Variants in SGSM2 observed in about 807,000 individuals in gnomAD.
SGSM2 encodes RUN and TBC1 domain containing 1.
In SGSM2, 89 loss-of-function variants were observed where a neutral mutation model predicts 126.6. The ratio of observed to expected loss-of-function variants is 0.70; its 90% CI spans 0.59 to 0.84. The LOEUF (loss-of-function observed/expected upper bound fraction) is 0.84. Among genes scored for constraint, SGSM2 ranks in the 40% least tolerant of loss-of-function variants. The pLI, the probability that SGSM2 is intolerant of heterozygous loss-of-function variation, is 0.00. For synonymous variants in SGSM2, 614 were observed against 574.3 expected (o/e 1.07, Z -0.99); for missense variants, 1,404 against 1,416.6 (o/e 0.99, Z 0.14).
Position 2,337,593 on chromosome 17 carries a change from G to C in SGSM2, c.-96G>C. ...CGGGCCGGGAGCGCGGCGGGCGGGG[G>C]CTCCGCCTTGCGCGTGGGGCGCTGA... On this transcript the variant is annotated 5_prime_UTR_variant, in exon 1 of 24. Coordinates refer to ENST00000268989, the MANE Select transcript of SGSM2 (RefSeq NM_014853.3). The surrounding 1 kb of genome is among the most constrained non-coding windows in gnomAD (Gnocchi z 5.1). The C allele has an allele frequency of 4.8e-6, 4 of 825,204 alleles. No homozygotes were observed. The highest frequency in any genetic ancestry group is 6.2e-6 in the Non-Finnish European group (4 of 648,628). The allele number at this position is 825,204 out of a possible 1,614,324, so 51.1% of individuals were successfully genotyped here.
At chr17:2,366,353 T>A (rs2065585207) in intron 11 of SGSM2, among the ~76,000 whole-genome samples, 1 of 152,210 alleles carries the variant, frequency 6.6e-6, no homozygotes, top group Admixed American at 6.5e-5. Context: ...GACTTGCTTT[T>A]CTTACAGATA....
chr17:2,349,384 A>AAT (rs397735333), intron 2 of SGSM2, among the ~76,000 whole-genome samples: 2 of 151,214 alleles, frequency 1.3e-5, no homozygotes, highest in Non-Finnish European at 3.0e-5. Flanking sequence ...AAAAAAAAAA[A>AAT]GTGACCTTAC....
In SGSM2 at chr17:2,375,856, T is replaced by A. The variant is rs891097501; in HGVS notation, c.2465T>A (p.Val822Glu). Reference protein sequence around the residue: ...ELEAGEELAAVCAAAYTIELL... With the variant: ...ELEAGEELAAECAAAYTIELL... ...GAGGCCGGAGAGGAGCTTGCGGCTG[T>A]GTGTGCGGCTGCCTACACTGTGCGT... The change falls in exon 18 of 24, where the codon GTG (valine) becomes GAG (glutamate). Residue 822 changes from valine to glutamate, a missense_variant. Transcript: ENST00000268989. 1 of 1,524,816 alleles carries A rather than the reference T, an allele frequency of 6.6e-7. No homozygotes were observed. Among genetic ancestry groups the A allele is most frequent in the African/African-American group, 1.4e-5 (1 of 72,532 alleles). The allele number at this position is 1,524,816 out of a possible 1,614,324, so 94.5% of individuals were successfully genotyped here.
chr17:2,372,730 C>A lies in SGSM2; in HGVS notation c.1789-223C>A, dbSNP rs542964851. 4.3e-4 allele frequency: 349 copies of A among 806,468 alleles called. No individual in the cohort carries two copies. The highest frequency in any genetic ancestry group is 5.1e-4 in the Non-Finnish European group (266 of 517,446). The allele number at this position is 806,468 out of a possible 1,614,324, so 50.0% of individuals were successfully genotyped here. A position where few individuals can be genotyped will look rare whatever the true frequency, so the allele number is the denominator to read the frequency against. On this transcript the variant is annotated intron_variant, in intron 15 of 23. Coordinates refer to ENST00000268989, the MANE Select transcript of SGSM2 (RefSeq NM_014853.3). This position sits in a 1 kb window ranked among gnomAD's most constrained non-coding sequence, Gnocchi z 6.0. ...ACCCTGGACAAAGCTTTGCCTCTCT[C>A]CGGGCGCCATTTCCTGCCCCTTAAG...
intron 2 of SGSM2, among the ~76,000 whole-genome samples, chr17:2,349,687 C>T (rs1434457278): frequency 6.6e-5 from 10 of 151,988 alleles, no homozygotes; most frequent in Non-Finnish European, 5.9e-5. Context: ...GCAAGATGGT[C>T]GTGACTTGAT....
At position 2,372,227 on chromosome 17, in the gene SGSM2, C is replaced by A. The variant is rs1003829831; in HGVS notation, c.1615C>A (p.Gln539Lys). 6.2e-7 allele frequency: 1 copy of A among 1,613,138 alleles called. No individual in the cohort carries two copies. The highest frequency in any genetic ancestry group is 1.3e-5 in the African/African-American group (1 of 74,924). The change falls in exon 14 of 24, where the codon CAG (glutamine) becomes AAG (lysine). Residue 539 changes from glutamine to lysine, a missense_variant. Transcript: ENST00000268989. The surrounding 1 kb of genome is among the most constrained non-coding windows in gnomAD (Gnocchi z 6.0). ...GCTACTGTGTGAGAGTATGAAGAGGCAGATCGTGTCCCGGGCCTTCTACGG... is the reference window on the plus strand; with the variant it reads ...GCTACTGTGTGAGAGTATGAAGAGGAAGATCGTGTCCCGGGCCTTCTACGG... ...LRLLCESMKR[Q>K]IVSRAFYGWL...
chr17:2,353,156 G>A (rs2064943586), intron 2 of SGSM2, among the ~76,000 whole-genome samples: 1 of 152,080 alleles, frequency 6.6e-6, no homozygotes, highest in South Asian at 2.1e-4. Context: ...TCAGCCCTCT[G>A]GATCGTTTCT....
Position 2,365,037 on chromosome 17 carries a change from C to T in SGSM2, c.1141C>T (p.Leu381=). ...LLPRGQLEPP[L]WTQQGKGKVF... ...GCCTCGGGGACAGCTAGAGCCCCCGCTGTGGACCCAGCAAGGGAAGGTAAC... is the reference window on the plus strand; with the variant it reads ...GCCTCGGGGACAGCTAGAGCCCCCGTTGTGGACCCAGCAAGGGAAGGTAAC... The change falls in exon 10 of 24, where the codon CTG becomes TTG. Residue 381 remains leucine, a synonymous_variant. Coordinates refer to ENST00000268989, the MANE Select transcript of SGSM2 (RefSeq NM_014853.3). 6.2e-7 allele frequency: 1 copy of T among 1,613,234 alleles called. No individual in the cohort carries two copies. The highest frequency in any genetic ancestry group is 8.5e-7 in the Non-Finnish European group (1 of 1,179,860).
At chr17:2,364,292 A>T (rs750765598) in intron 8 of SGSM2, 109 bp downstream of exon 8, 154 of 1,395,832 alleles carry the variant, frequency 1.1e-4, no homozygotes, top group Non-Finnish European at 1.3e-4. Context: ...CTCACTCTTT[A>T]TTTGGACGCC....
chr17:2,377,699 G>A (rs763107990), intron 21 of SGSM2, 158 bp from the exon 22 acceptor site: 92 of 539,330 alleles, frequency 1.7e-4, no homozygotes, highest in Non-Finnish European at 2.4e-4. Flanking sequence ...AAGGAGATCC[G>A]AGGGGGAGAG....
chr17:2,379,354 A>G (rs1303476164), intron 23 of SGSM2, 78 bp from the exon 24 acceptor site: 2 of 1,566,046 alleles, frequency 1.3e-6, no homozygotes, highest in Admixed American at 3.6e-5. Context: ...AGATGGAAAC[A>G]GAGCAGGGTA....
rs201631215 is a variant in SGSM2 at position 2,375,861 on chromosome 17, G to A, written c.2470G>A (p.Ala824Thr). 840 of 1,524,256 alleles carry A rather than the reference G, an allele frequency of 5.5e-4. 8 individuals carry two copies. In the East Asian group the frequency reaches 0.018, roughly 32 times the overall value. The allele number at this position is 1,524,256 out of a possible 1,614,324, so 94.4% of individuals were successfully genotyped here. ...EAGEELAAVC[A>T]AAYTIELLDT... ...CGGAGAGGAGCTTGCGGCTGTGTGTGCGGCTGCCTACACTGTGCGTACATG... is the reference window on the plus strand; with the variant it reads ...CGGAGAGGAGCTTGCGGCTGTGTGTACGGCTGCCTACACTGTGCGTACATG... The change falls in exon 18 of 24, where the codon GCG (alanine) becomes ACG (threonine). Residue 824 changes from alanine (A) to threonine (T), a missense_variant. By Grantham distance (58) the Ala-to-Thr change is moderately conservative. Transcript: ENST00000268989.
intron 21 of SGSM2, 42 bp downstream of exon 21, chr17:2,377,110 C>T: frequency 7.8e-7 from 1 of 1,284,128 alleles, no homozygotes; most frequent in South Asian, 1.3e-5. Flanking sequence ...GCAGGCAGTG[C>T]TGGGCTGGTC....
At chr17:2,351,740 T>C (rs1388362540) in intron 2 of SGSM2, among the ~76,000 whole-genome samples, 1 of 152,132 alleles carries the variant, frequency 6.6e-6, no homozygotes, top group African/African-American at 2.4e-5. Context: ...TTTGTATTTT[T>C]GTAGAGACGG....
intron 13 of SGSM2, chr17:2,371,913 T>A: frequency 2.0e-6 from 1 of 508,072 alleles, no homozygotes; most frequent in Non-Finnish European, 3.5e-6. Context: ...CCGCTGCCTC[T>A]CTCCATTTTT....
chr17:2,379,581 G>GA lies in SGSM2; in HGVS notation c.*62dup. On this transcript the variant is annotated 3_prime_UTR_variant, in exon 24 of 24. Transcript: ENST00000268989. Reference sequence around the variant, plus strand: ...GGCTCCGGCAGGGAGAGGTGCAGGGGAGTCACCGCCCAGACCTCCCCAGCC... The same window carrying GA: ...GGCTCCGGCAGGGAGAGGTGCAGGGGAAGTCACCGCCCAGACCTCCCCAGCC... 6.3e-7 allele frequency: 1 copy of GA among 1,575,136 alleles called. No individual in the cohort carries two copies. The highest frequency in any genetic ancestry group is 8.7e-7 in the Non-Finnish European group (1 of 1,155,998).
rs770263731 is a variant in SGSM2, at chr17:2,367,424, C to T, written c.1423+19C>T. The T allele has an allele frequency of 5.6e-6, 9 of 1,607,272 alleles. No individual in the cohort carries two copies. The highest frequency in any genetic ancestry group is 7.7e-6 in the Non-Finnish European group (9 of 1,175,882). On this transcript the variant is annotated intron_variant, in intron 12 of 23. Transcript: ENST00000268989. The surrounding 1 kb of genome is among the most constrained non-coding windows in gnomAD (Gnocchi z 4.0). ...ATGAAAGGTTCTTATCCCTCCCTCTCCCTGACCCACCTCATCCCCACCCTC... is the reference window on the plus strand; with the variant it reads ...ATGAAAGGTTCTTATCCCTCCCTCTTCCTGACCCACCTCATCCCCACCCTC...
intron 12 of SGSM2, among the ~76,000 whole-genome samples, chr17:2,370,697 G>A (rs1470889206): frequency 1.3e-5 from 2 of 152,216 alleles, no homozygotes; most frequent in African/African-American, 2.4e-5. Flanking sequence ...CTGCTCATCC[G>A]TAGCCACTGG....
chr17:2,357,117 G>A (rs571303443), intron 2 of SGSM2, among the ~76,000 whole-genome samples: 5 of 152,198 alleles, frequency 3.3e-5, no homozygotes, highest in Admixed American at 2.0e-4. Flanking sequence ...AGGTCACATC[G>A]GGGCTGGTGA....
Sources: allele counts gnomAD v4.1 joint callset (sites outside exome capture counted in the v4.1 genomes callset), GRCh38; gene constraint gnomAD v4.1.1; non-coding constraint Gnocchi (gnomAD v3.1); transcripts MANE v1.5; gene names NCBI Gene and HGNC (gene_info 2026-07-23, HGNC 2026-07-21).